The following XIRP2 variants were observed in gnomAD, a reference collection of about 807,000 sequenced individuals.
XIRP2 encodes xin actin binding repeat containing 2, also known as xin actin-binding repeat-containing protein 2.
XIRP2 carries 236 observed loss-of-function variants against 277.0 expected under a neutral mutation model. That is an observed-to-expected ratio of 0.85 (90% CI 0.77 to 0.95). The LOEUF (loss-of-function observed/expected upper bound fraction) is 0.95. Ranked by LOEUF, XIRP2 falls within the 40% of genes least tolerant of loss-of-function variation. The probability of loss-of-function intolerance (pLI) is 0.00; values close to 1 mark genes in which losing one functional copy is unlikely to be tolerated. For synonymous variants in XIRP2, 1,490 were observed against 1,416.5 expected (o/e 1.05, Z -1.17); for missense variants, 4,640 against 4,157.5 (o/e 1.12, Z -3.19).
intron 2 of XIRP2, among the ~76,000 whole-genome samples, chr2:167,096,947 G>A (rs927059998): frequency 6.6e-6 from 1 of 152,130 alleles, no homozygotes; most frequent in African/African-American, 2.4e-5. Flanking sequence ...CATTTGCCGA[G>A]GAGTGTTTTA....
intron 4 of XIRP2, among the ~76,000 whole-genome samples, chr2:167,213,749 G>T (rs762045742): frequency 1.3e-5 from 2 of 152,260 alleles, no homozygotes; most frequent in Non-Finnish European, 2.9e-5. Context: ...ACCACAGACT[G>T]CTTCTTGGGC....
At chr2:167,169,711 T>C (rs1034815408) in intron 3 of XIRP2, among the ~76,000 whole-genome samples, 7 of 152,224 alleles carry the variant, frequency 4.6e-5, no homozygotes, top group African/African-American at 1.7e-4. Flanking sequence ...ATTTTCTGAT[T>C]GTTTGCAGCT....
chr2:167,016,605 C>T (rs1426089396), intron 2 of XIRP2, among the ~76,000 whole-genome samples: 1 of 151,872 alleles, frequency 6.6e-6, no homozygotes, highest in East Asian at 1.9e-4. Flanking sequence ...TCCTTGGTTC[C>T]TATGTTAGTT....
chr2:166,942,009 CCA>C (rs2105383826), intron 2 of XIRP2, among the ~76,000 whole-genome samples: 1 of 152,310 alleles, frequency 6.6e-6, no homozygotes, highest in East Asian at 1.9e-4. Flanking sequence ...CAAGTTCCTT[CCA>C]GTTATTCTGC....
chr2:167,110,142 T>A (rs566167712), intron 2 of XIRP2, among the ~76,000 whole-genome samples: 1 of 152,352 alleles, frequency 6.6e-6, no homozygotes, highest in Admixed American at 6.5e-5. Context: ...ACTCTGTTGA[T>A]AGTTTCTTTT....
At chr2:166,915,601 A>G (rs1238466894) in intron 2 of XIRP2, among the ~76,000 whole-genome samples, 3 of 152,150 alleles carry the variant, frequency 2.0e-5, no homozygotes, top group African/African-American at 4.8e-5. Flanking sequence ...AAGCCTCCCT[A>G]AAGAATCCTT....
intron 2 of XIRP2, among the ~76,000 whole-genome samples, chr2:167,022,845 A>G (rs1574173117): frequency 1.3e-5 from 2 of 152,286 alleles, no homozygotes; most frequent in African/African-American, 2.4e-5. Flanking sequence ...TTCTTAATAC[A>G]GTCCATCATT....
intron 1 of XIRP2, among the ~76,000 whole-genome samples, chr2:166,902,278 T>C (rs1574063153): frequency 6.6e-6 from 1 of 152,242 alleles, no homozygotes; most frequent in Admixed American, 6.6e-5. Flanking sequence ...TTAGGGAAAC[T>C]ATTGTTTAAT....
At chr2:167,191,680 G>A (rs1343186693) in intron 3 of XIRP2, among the ~76,000 whole-genome samples, 2 of 152,146 alleles carry the variant, frequency 1.3e-5, no homozygotes, top group Non-Finnish European at 2.9e-5. Context: ...TTTGTTAGCT[G>A]AGATTCTGCC....
At chr2:167,160,059 TC>T (rs1407562336) in intron 3 of XIRP2, among the ~76,000 whole-genome samples, 4 of 152,148 alleles carry the variant, frequency 2.6e-5, no homozygotes, top group African/African-American at 9.7e-5. Context: ...TATTTCTTAT[TC>T]ATATATATAG....
rs760332463 is a variant in XIRP2, at chr2:167,213,653, T to C, written c.723+2758T>C. Among the ~76,000 whole-genome samples, 18 of 152,096 alleles carry C rather than the reference T, an allele frequency of 1.2e-4. 1 individual carries two copies. The highest frequency in any genetic ancestry group is 6.3e-3 in the Middle Eastern group (2 of 316). Reference sequence around the variant, plus strand: ...GGTCAATGATAACAACATTCATTAGTTGGGATATTTAGAGCATGACACTAA... The same window carrying C: ...GGTCAATGATAACAACATTCATTAGCTGGGATATTTAGAGCATGACACTAA... On this transcript the variant is annotated intron_variant, in intron 4 of 10. Transcript: ENST00000409195.
At chr2:167,049,068 T>C (rs973427609) in intron 2 of XIRP2, among the ~76,000 whole-genome samples, 1 of 151,878 alleles carries the variant, frequency 6.6e-6, no homozygotes, top group African/African-American at 2.4e-5. Context: ...AGGGGAAAAG[T>C]AGTATACAAA....
chr2:166,987,748 A>G (rs1351058244), intron 2 of XIRP2, among the ~76,000 whole-genome samples: 1 of 152,222 alleles, frequency 6.6e-6, no homozygotes, highest in Admixed American at 6.5e-5. Context: ...AATCATGGAT[A>G]TATAAAGGAC....
chr2:167,161,759 A>G (rs1178689011), intron 3 of XIRP2, among the ~76,000 whole-genome samples: 5 of 152,160 alleles, frequency 3.3e-5, no homozygotes, highest in Non-Finnish European at 2.9e-5. Context: ...ATTAACATTT[A>G]GCTCCTCATT....
intron 2 of XIRP2, among the ~76,000 whole-genome samples, chr2:167,062,103 G>A (rs1230964699): frequency 6.6e-6 from 1 of 152,118 alleles, no homozygotes; most frequent in East Asian, 1.9e-4. Context: ...TTATCTTATA[G>A]TCTGGCAATC....
intron 2 of XIRP2, among the ~76,000 whole-genome samples, chr2:166,915,299 CAAAAAAAAAAAA>C (rs993808427): frequency 2.2e-4 from 9 of 40,132 alleles, no homozygotes; most frequent in African/African-American, 8.5e-4. Context: ...GACTCCGTCT[CAAAAAAAAAAAA>C]AAAAAAAAAA....
In XIRP2 at chr2:167,255,538, C is replaced by G. The variant is rs1327748440; in HGVS notation, c.*39+1373C>G. Among the ~76,000 whole-genome samples, 3 of 151,772 alleles carry G rather than the reference C, an allele frequency of 2.0e-5. No homozygotes were observed. The South Asian group carries it at 6.2e-4, about 31-fold the overall frequency. Reference sequence around the variant, plus strand: ...TAAGCTATATACTTTTCTCCATTCCCATAGCAAGTATCATCTATTAGCACC... The same window carrying G: ...TAAGCTATATACTTTTCTCCATTCCGATAGCAAGTATCATCTATTAGCACC... On this transcript the variant is annotated intron_variant, in intron 10 of 10. Coordinates refer to ENST00000409195, the MANE Select transcript of XIRP2 (RefSeq NM_152381.6).
intron 2 of XIRP2, among the ~76,000 whole-genome samples, chr2:167,095,529 G>T (rs1189655262): frequency 6.6e-6 from 1 of 152,116 alleles, no homozygotes; most frequent in East Asian, 1.9e-4. Context: ...ATGAAGGGGT[G>T]TTGAACTGTT....
chr2:167,214,275 G>C (rs1241174401), intron 4 of XIRP2, among the ~76,000 whole-genome samples: 1 of 77,236 alleles, frequency 1.3e-5, no homozygotes, highest in Non-Finnish European at 2.3e-5. Context: ...GAGAGAGAAA[G>C]AGAGGGAGGG....
Sources: gnomAD v4.1 joint callset for allele counts (sites outside exome capture counted in the v4.1 genomes callset) on GRCh38, gnomAD v4.1.1 for gene constraint, MANE v1.5 for transcripts, NCBI Gene and HGNC (gene_info 2026-07-23, HGNC 2026-07-21) for gene names.